Variants in TET1 observed in about 807,000 individuals in gnomAD.
The protein encoded by TET1 is tet methylcytosine dioxygenase 1.
In TET1, 13 loss-of-function variants were observed where a neutral mutation model predicts 148.7. That is an observed-to-expected ratio of 0.09 (90% CI 0.06 to 0.14). The LOEUF (loss-of-function observed/expected upper bound fraction) is 0.14. TET1 is among the 10% of genes least tolerant of loss of function. The pLI is 1.00. For synonymous variants in TET1, 907 were observed against 937.2 expected (o/e 0.97, Z 0.59); for missense variants, 2,182 against 2,553.8 (o/e 0.85, Z 3.14).
Position 68,645,301 on chromosome 10 carries a change from A to C in TET1, c.2572A>C (p.Thr858Pro), listed in dbSNP as rs757552396. 6.8e-6 allele frequency: 11 copies of C among 1,613,912 alleles called. No individual in the cohort carries two copies. Among genetic ancestry groups the C allele is most frequent in the Middle Eastern group, 1.6e-4 (1 of 6,084 alleles). ...ACACAATGAAGGTGATCAACCAAAA[A>C]CTCCTGAGAATATACCAAGTAAAGA... ...SIHNEGDQPK[T>P]PENIPSKEPK... Residue 858 changes from threonine to proline, a missense_variant, in exon 4 of 12, where the codon ACT becomes CCT. Thr to Pro is a conservative substitution (Grantham distance 38). Coordinates refer to ENST00000373644, the MANE Select transcript of TET1 (RefSeq NM_030625.3).
At chr10:68,615,356 C>CTTTTTTTTTTTTTTTTTTTTTT (rs71019038) in intron 3 of TET1, among the ~76,000 whole-genome samples, 2 of 145,278 alleles carry the variant, frequency 1.4e-5, no homozygotes, top group African/African-American at 2.5e-5. Context: ...CTTTTCTTTT[C>CTTTTTTTTTTTTTTTTTTTTTT]TTTTTTTGAG....
intron 6 of TET1, among the ~76,000 whole-genome samples, chr10:68,655,861 A>C (rs1027843231): frequency 6.6e-5 from 10 of 152,200 alleles, no homozygotes; most frequent in African/African-American, 2.4e-4. Flanking sequence ...TTCATGGCAG[A>C]AGGTGAGTGG....
At chr10:68,674,154 A>C (rs1171173931) in intron 8 of TET1, among the ~76,000 whole-genome samples, 2 of 151,378 alleles carry the variant, frequency 1.3e-5, no homozygotes, top group Non-Finnish European at 2.9e-5. Context: ...AGTAGAGATG[A>C]GGTTTCACCA....
intron 8 of TET1, among the ~76,000 whole-genome samples, chr10:68,679,278 A>G (rs1476415156): frequency 6.6e-6 from 1 of 152,260 alleles, no homozygotes; most frequent in East Asian, 1.9e-4. Flanking sequence ...CAGTGCTTCT[A>G]CACAATAAAT....
intron 3 of TET1, among the ~76,000 whole-genome samples, chr10:68,609,292 G>T (rs1589072583): frequency 6.6e-6 from 1 of 152,166 alleles, no homozygotes; most frequent in Non-Finnish European, 1.5e-5. Context: ...CTCCCTAGTG[G>T]TTGGGATTAC....
Position 68,671,040 on chromosome 10 carries a change from G to A in TET1, c.4674-1855G>A, listed in dbSNP as rs370524733. Among the ~76,000 whole-genome samples, 103 of 151,806 alleles carry A rather than the reference G, an allele frequency of 6.8e-4. 2 individuals are homozygous for A. In the South Asian group the frequency reaches 0.021, roughly 32 times the overall value. ...TCTTTCTGGTGGAATTTAAAATCAT[G>A]CAATCCTTTTTTAACTTTCATTTTA... is the stretch of plus-strand genomic sequence containing the variant. On this transcript the variant is annotated intron_variant, in intron 7 of 11. Transcript: ENST00000373644.
At chr10:68,676,444 C>T (rs761073003) in intron 8 of TET1, among the ~76,000 whole-genome samples, 11 of 150,478 alleles carry the variant, frequency 7.3e-5, no homozygotes, top group Non-Finnish European at 8.9e-5. Flanking sequence ...CCACCACAGC[C>T]GGCTAATTTT....
At chr10:68,594,980 C>CAA (rs71019034) in intron 2 of TET1, among the ~76,000 whole-genome samples, 1 of 108,834 alleles carries the variant, frequency 9.2e-6, no homozygotes, top group Admixed American at 1.0e-4. Context: ...GACACCATCT[C>CAA]AAAAAAAAAA....
intron 10 of TET1, 126 bp downstream of exon 10, chr10:68,683,099 G>A: frequency 8.9e-7 from 1 of 1,125,180 alleles, no homozygotes; most frequent in Non-Finnish European, 1.2e-6. Flanking sequence ...AGAAATAAGT[G>A]GAAAATAAAG....
intron 2 of TET1, among the ~76,000 whole-genome samples, chr10:68,589,602 CCTTAGTG>C (rs1340092664): frequency 6.6e-6 from 1 of 151,608 alleles, no homozygotes; most frequent in African/African-American, 2.4e-5. Flanking sequence ...CCTAGCCCAG[CCTTAGTG>C]CTCTGGGAGA....
At chr10:68,569,636 G>A (rs1013650365) in intron 1 of TET1, among the ~76,000 whole-genome samples, 13 of 151,600 alleles carry the variant, frequency 8.6e-5, no homozygotes, top group South Asian at 4.2e-4. Flanking sequence ...CATATATAAT[G>A]GCTAGGCATG....
In TET1 at chr10:68,644,718, A is replaced by G. The variant is rs1194857166; in HGVS notation, c.1989A>G (p.Pro663=). 9 of 1,568,958 alleles carry G rather than the reference A, an allele frequency of 5.7e-6. No homozygotes were observed. Among genetic ancestry groups the G allele is most frequent in the Non-Finnish European group, 7.8e-6 (9 of 1,160,812 alleles). The change falls in exon 4 of 12, where the codon CCA becomes CCG. Residue 663 remains proline (P), a synonymous_variant. Coordinates refer to ENST00000373644, the MANE Select transcript of TET1 (RefSeq NM_030625.3). Reference sequence around the variant, plus strand: ...TACAGGCAGATTTTGACAACAAACCAGTAAATGGCCCCAAGTCAGAATCCA... The same window carrying G: ...TACAGGCAGATTTTGACAACAAACCGGTAAATGGCCCCAAGTCAGAATCCA... ...KVLKADFDNK[P]VNGPKSESMD...
At chr10:68,647,964 T>G (rs2054877618) in intron 4 of TET1, among the ~76,000 whole-genome samples, 1 of 152,216 alleles carries the variant, frequency 6.6e-6, no homozygotes, top group South Asian at 2.1e-4. Flanking sequence ...ATAAAGAAAT[T>G]CCATAATCTT....
intron 2 of TET1, among the ~76,000 whole-genome samples, chr10:68,595,209 T>G (rs2053964356): frequency 6.6e-6 from 1 of 151,982 alleles, no homozygotes; most frequent in Admixed American, 6.6e-5. Flanking sequence ...TTCCTTAAAT[T>G]TTTAAAAAGT....
intron 3 of TET1, among the ~76,000 whole-genome samples, chr10:68,630,855 G>T (rs533251810): frequency 1.3e-5 from 2 of 152,144 alleles, no homozygotes; most frequent in African/African-American, 4.8e-5. Context: ...AAGTGACGAC[G>T]ATCCTAAAGA....
chr10:68,624,917 G>T (rs559595202), intron 3 of TET1, among the ~76,000 whole-genome samples: 1 of 151,118 alleles, frequency 6.6e-6, no homozygotes, highest in Admixed American at 6.6e-5. Flanking sequence ...TGTATTTTTA[G>T]TAGAGATGGG....
chr10:68,623,804 C>A (rs976745105), intron 3 of TET1, among the ~76,000 whole-genome samples: 1 of 152,158 alleles, frequency 6.6e-6, no homozygotes, highest in African/African-American at 2.4e-5. Context: ...TATACTGATG[C>A]CTAAGTAGCT....
At chr10:68,636,472 C>T (rs1189929271) in intron 3 of TET1, among the ~76,000 whole-genome samples, 3 of 152,130 alleles carry the variant, frequency 2.0e-5, no homozygotes, top group African/African-American at 4.8e-5. Context: ...AATCCCAGCA[C>T]TTTGGGAGGC....
At chr10:68,574,867 A>G (rs2053710330) in intron 2 of TET1, among the ~76,000 whole-genome samples, 1 of 152,326 alleles carries the variant, frequency 6.6e-6, no homozygotes, top group African/African-American at 2.4e-5. Context: ...GTGATACACA[A>G]ACATTAGTTC....
Sources: allele counts gnomAD v4.1 joint callset (sites outside exome capture counted in the v4.1 genomes callset), GRCh38; gene constraint gnomAD v4.1.1; transcripts MANE v1.5; gene names NCBI Gene and HGNC (gene_info 2026-07-23, HGNC 2026-07-21).